ZFPM1: variants seen among roughly 807,000 people sequenced by gnomAD.
ZFPM1 encodes zinc finger protein ZFPM1.
ZFPM1 carries 28 observed loss-of-function variants against 46.3 expected under a neutral mutation model. That is an observed-to-expected ratio of 0.60 (90% CI 0.45 to 0.83). The LOEUF is 0.83. Ranked by LOEUF, ZFPM1 falls within the 40% of genes least tolerant of loss-of-function variation. ZFPM1 has a pLI of 0.00. For missense variants in ZFPM1, 1,878 were observed against 1,432.4 expected (o/e 1.31, Z -5.02); for synonymous variants, 957 against 675.9 (o/e 1.42, Z -6.45).
At chr16:88,493,633 CGGGGTGCGGTG>C in intron 3 of ZFPM1, among the ~76,000 whole-genome samples, 1 of 104,460 alleles carries the variant, frequency 9.6e-6, no homozygotes, top group Non-Finnish European at 2.3e-5. Flanking sequence ...AGAGCTGTCC[CGGGGTGCGGTG>C]AGCTGTCCCG....
rs1232330541 is a variant in ZFPM1 at position 88,534,121 on chromosome 16, G to A, written c.2163G>A (p.Pro721=). 3.6e-6 allele frequency: 4 copies of A among 1,100,220 alleles called. No homozygotes were observed. Among genetic ancestry groups the A allele is most frequent in the Admixed American group, 7.6e-5 (2 of 26,448 alleles). The allele number at this position is 1,100,220 out of a possible 1,614,324, so 68.2% of individuals were successfully genotyped here. The part of the protein sequence containing the change: ...DPPPRRPAAP[P]GPPGPAAPPA... ...CGCCGCGCCGACCGGCCGCGCCCCC[G>A]GGACCCCCTGGGCCGGCCGCGCCCC... Residue 721 remains proline (P), a synonymous_variant, in exon 10 of 10, where the codon CCG becomes CCA. Transcript: ENST00000319555.
Position 88,514,490 on chromosome 16 carries a change from C to A in ZFPM1, c.372C>A (p.Thr124=). ...GCCCGTTCCATGGGAGTGTCCAGAC[C>A]AGAGCCTCATCCCCCAGGCAGGCGG... The part of the protein sequence containing the change: ...SWGPFHGSVQ[T]RASSPRQAEP... The change falls in exon 4 of 10, where the codon ACC becomes ACA. Residue 124 remains threonine (T), a synonymous_variant. Coordinates refer to ENST00000319555, the MANE Select transcript of ZFPM1 (RefSeq NM_153813.3). 6.4e-7 allele frequency: 1 copy of A among 1,563,972 alleles called. No homozygotes were observed. The highest frequency in any genetic ancestry group is 8.7e-7 in the Non-Finnish European group (1 of 1,154,692).
chr16:88,454,252 C>T (rs981755819), intron 1 of ZFPM1, among the ~76,000 whole-genome samples: 2 of 152,156 alleles, frequency 1.3e-5, no homozygotes. Context: ...CGTCGCAGAG[C>T]CGCAGGACAG....
chr16:88,461,931 C>T (rs946784615), intron 1 of ZFPM1, among the ~76,000 whole-genome samples: 4 of 152,222 alleles, frequency 2.6e-5, no homozygotes, highest in Non-Finnish European at 5.9e-5. Flanking sequence ...GAGCTGGGGC[C>T]GTGGACCCTG....
intron 4 of ZFPM1, among the ~76,000 whole-genome samples, chr16:88,526,179 G>A (rs567901982): frequency 3.0e-4 from 45 of 152,346 alleles, no homozygotes; most frequent in African/African-American, 1.0e-3. Context: ...AGCGTCCGCC[G>A]TGTGCCGGCC....
intron 1 of ZFPM1, among the ~76,000 whole-genome samples, chr16:88,484,127 A>G (rs1457077854): frequency 6.6e-6 from 1 of 152,120 alleles, no homozygotes; most frequent in Non-Finnish European, 1.5e-5. Flanking sequence ...AGGGATCATG[A>G]GGGGCTGTGA....
rs1349065264 is a variant in ZFPM1, at chr16:88,533,504, G to A, written c.1546G>A (p.Gly516Ser). 2.8e-6 allele frequency: 4 copies of A among 1,405,676 alleles called. No individual in the cohort carries two copies. The highest frequency in any genetic ancestry group is 3.3e-5 in the Admixed American group (1 of 30,530). The allele number at this position is 1,405,676 out of a possible 1,614,324, so 87.1% of individuals were successfully genotyped here. ...SPTPGSSPVP[G>S]ELGLAGALFL... ...CACGCCGGGCTCCAGCCCGGTGCCC[G>A]GCGAGCTGGGCCTGGCCGGGGCCCT... is the stretch of plus-strand genomic sequence containing the variant. Residue 516 changes from glycine (G) to serine (S), a missense_variant, in exon 10 of 10, where the codon GGC (glycine) becomes AGC (serine). Coordinates refer to ENST00000319555, the MANE Select transcript of ZFPM1 (RefSeq NM_153813.3).
chr16:88,509,525 C>T (rs761552077), intron 3 of ZFPM1, among the ~76,000 whole-genome samples: 4 of 152,192 alleles, frequency 2.6e-5, no homozygotes, highest in African/African-American at 7.2e-5. Flanking sequence ...CCCGGACGTC[C>T]GCAGACTCAC....
chr16:88,486,565 A>G (rs867644799), intron 2 of ZFPM1, among the ~76,000 whole-genome samples: 2 of 133,436 alleles, frequency 1.5e-5, no homozygotes, highest in Non-Finnish European at 3.2e-5. Flanking sequence ...GGTGCTGGGT[A>G]CACAGTGGGT....
intron 1 of ZFPM1, 66 bp downstream of exon 1, chr16:88,453,744 G>GCCGCCC: frequency 1.0e-6 from 1 of 987,980 alleles, no homozygotes. Flanking sequence ...AGCCGCCAGC[G>GCCGCCC]CCGCCCCCGC....
intron 1 of ZFPM1, among the ~76,000 whole-genome samples, chr16:88,478,247 C>T (rs1002424374): frequency 6.6e-6 from 1 of 152,246 alleles, no homozygotes; most frequent in African/African-American, 2.4e-5. Flanking sequence ...GCCACGTGCT[C>T]CTGCGCTGGT....
rs776899848 is a variant in ZFPM1 at position 88,533,636 on chromosome 16, G to A, written c.1678G>A (p.Ala560Thr). ...VHSRLQQGAG[A>T]GAGGAQTGLF... ...CAGCCGGCTGCAGCAGGGCGCGGGC[G>A]CGGGCGCCGGCGGCGCGCAGACCGG... The change falls in exon 10 of 10, where the codon GCG becomes ACG. Residue 560 changes from alanine to threonine, a missense_variant. By Grantham distance (58) the Ala-to-Thr change is moderately conservative (BLOSUM62 0). Transcript: ENST00000319555. 26 of 1,460,250 alleles carry A rather than the reference G, an allele frequency of 1.8e-5. No individual in the cohort carries two copies. Among genetic ancestry groups the A allele is most frequent in the South Asian group, 9.1e-5 (7 of 77,204 alleles). The allele number at this position is 1,460,250 out of a possible 1,614,324, so 90.5% of individuals were successfully genotyped here.
At chr16:88,520,869 A>G (rs1444778539) in intron 4 of ZFPM1, among the ~76,000 whole-genome samples, 7 of 61,684 alleles carry the variant, frequency 1.1e-4, no homozygotes, top group Admixed American at 7.6e-4. Context: ...GGATGGATGG[A>G]CGGATGGATG....
intron 4 of ZFPM1, among the ~76,000 whole-genome samples, chr16:88,524,960 C>G (rs1912197186): frequency 6.6e-6 from 1 of 152,262 alleles, no homozygotes; most frequent in Non-Finnish European, 1.5e-5. Flanking sequence ...CACTGGCCAG[C>G]TTAGCTCTGC....
chr16:88,467,441 A>T (rs1908186357), intron 1 of ZFPM1, among the ~76,000 whole-genome samples: 1 of 152,008 alleles, frequency 6.6e-6, no homozygotes, highest in African/African-American at 2.4e-5. Context: ...GGGCTTCTCG[A>T]GGAAGGAGCT....
intron 4 of ZFPM1, among the ~76,000 whole-genome samples, chr16:88,525,257 C>T (rs1401201107): frequency 6.6e-6 from 1 of 152,222 alleles, no homozygotes; most frequent in Non-Finnish European, 1.5e-5. Flanking sequence ...GGGTCCCACG[C>T]GTGCTGGCAA....
chr16:88,489,328 G>A lies in ZFPM1; in HGVS notation c.268+175G>A, dbSNP rs532035898. 5.4e-5 allele frequency: 57 copies of A among 1,062,842 alleles called. No individual in the cohort carries two copies. The East Asian group carries it at 1.5e-3, about 27-fold the overall frequency. 65.8% of individuals were successfully genotyped at this position (1,062,842 alleles called of 1,614,324 possible). On this transcript the variant is annotated intron_variant, in intron 3 of 9. Transcript: ENST00000319555. ...AACCCGTGCAGCTGGTGGTATCACTGGAGCTTGGCACCCTCGCGCCAATCC... is the reference window on the plus strand; with the variant it reads ...AACCCGTGCAGCTGGTGGTATCACTAGAGCTTGGCACCCTCGCGCCAATCC...
Position 88,536,974 on chromosome 16 carries a change from G to T in ZFPM1, c.*1995G>T, listed in dbSNP as rs1056539060. 1 of 152,184 alleles carries T rather than the reference G, an allele frequency of 6.6e-6. No individual in the cohort carries two copies. The highest frequency in any genetic ancestry group is 6.5e-5 in the Admixed American group (1 of 15,274). 9.4% of individuals were successfully genotyped at this position (152,184 alleles called of 1,614,324 possible). On this transcript the variant is annotated 3_prime_UTR_variant, in exon 10 of 10. Coordinates refer to ENST00000319555, the MANE Select transcript of ZFPM1 (RefSeq NM_153813.3). Reference sequence around the variant, plus strand: ...CTAAAAAATAGAAACCTGGTGGGGGGTTGTCACTGTGTGTACATTTAAAAG... The same window carrying T: ...CTAAAAAATAGAAACCTGGTGGGGGTTTGTCACTGTGTGTACATTTAAAAG...
chr16:88,514,009 G>A (rs1911128955), intron 3 of ZFPM1, among the ~76,000 whole-genome samples: 1 of 152,230 alleles, frequency 6.6e-6, no homozygotes. Context: ...TTCATAGACT[G>A]CAGGCTGATG....
Sources: allele counts gnomAD v4.1 joint callset (sites outside exome capture counted in the v4.1 genomes callset), GRCh38; gene constraint gnomAD v4.1.1; transcripts MANE v1.5; gene names NCBI Gene and HGNC (gene_info 2026-07-23, HGNC 2026-07-21).